ERICH3: variants seen among roughly 807,000 people sequenced by gnomAD.
ERICH3 encodes glutamate-rich protein 3.
Under a neutral mutation model 131.1 loss-of-function variants are expected in ERICH3, and 126 were observed. The observed-to-expected ratio is 0.96, with a 90% CI of 0.83 to 1.11. The LOEUF (loss-of-function observed/expected upper bound fraction) is 1.11. Among genes scored for constraint, ERICH3 ranks in the 50% most tolerant of loss-of-function variants. The pLI is 0.00. For missense variants in ERICH3, 2,050 were observed against 1,810.7 expected (o/e 1.13, Z -2.40); for synonymous variants, 695 against 644.6 (o/e 1.08, Z -1.18).
At chr1:74,659,377 A>AC (rs1166844785) in intron 1 of ERICH3, among the ~76,000 whole-genome samples, 1 of 151,932 alleles carries the variant, frequency 6.6e-6, no homozygotes. Context: ...CAGTTCCAAA[A>AC]CCCCCCGTTG....
intron 9 of ERICH3, among the ~76,000 whole-genome samples, chr1:74,610,302 A>C (rs1175080856): frequency 1.3e-5 from 2 of 151,158 alleles, no homozygotes; most frequent in African/African-American, 4.9e-5. Context: ...TCAGTTGATA[A>C]ATTTATGTAT....
rs569876230 is a variant in ERICH3, at chr1:74,579,982, T to TA, written c.2177-3047_2177-3046insT. ...TTTTTTAAATATCAAAATATTCTTA[T>TA]TTTACAATGTCAGCTTTTTAGTATA... On this transcript the variant is annotated intron_variant, in intron 12 of 14. Transcript: ENST00000326665. The TA allele has an allele frequency of 1.9e-3, 1,418 of 730,320 alleles. 19 individuals are homozygous for TA. The African/African-American group carries it at 0.024, about 12-fold the overall frequency. 45.2% of individuals were successfully genotyped at this position (730,320 alleles called of 1,614,324 possible).
Position 74,570,064 on chromosome 1 carries a change from C to T in ERICH3, c.*394G>A, listed in dbSNP as rs17095601. 0.015 allele frequency: 2,233 copies of T among 152,256 alleles called. 65 individuals carry two copies. Among genetic ancestry groups the T allele is most frequent in the African/African-American group, 0.051 (2,123 of 41,542 alleles). 9.4% of individuals were successfully genotyped at this position (152,256 alleles called of 1,614,324 possible). On this transcript the variant is annotated 3_prime_UTR_variant, in exon 15 of 15. Transcript: ENST00000326665. The stretch of plus-strand genomic sequence containing the variant: ...TGAGATTGTGGAATTGACTGGGGCT[C>T]TGTATTGTAAAATAAAAAGGACTTT...
At chr1:74,666,419 T>C (rs72675368) in intron 1 of ERICH3, among the ~76,000 whole-genome samples, 1 of 152,128 alleles carries the variant, frequency 6.6e-6, no homozygotes, top group Non-Finnish European at 1.5e-5. Flanking sequence ...GTCAAAAAAA[T>C]TTTTAATCCT....
intron 12 of ERICH3, among the ~76,000 whole-genome samples, chr1:74,583,581 G>A (rs544345499): frequency 4.6e-5 from 7 of 152,118 alleles, no homozygotes; most frequent in African/African-American, 1.7e-4. Flanking sequence ...CTTCAGATAA[G>A]CAGGTCAACT....
chr1:74,650,764 A>G (rs1646526036), intron 1 of ERICH3, among the ~76,000 whole-genome samples: 1 of 151,978 alleles, frequency 6.6e-6, no homozygotes, highest in Admixed American at 6.6e-5. Context: ...TCCATTTAAT[A>G]TTTTTGGACT....
At chr1:74,581,874 T>C (rs1370094360) in intron 12 of ERICH3, among the ~76,000 whole-genome samples, 1 of 152,200 alleles carries the variant, frequency 6.6e-6, no homozygotes, top group Admixed American at 6.5e-5. Flanking sequence ...TGAAATAGTT[T>C]CCAATTCCAA....
At position 74,571,248 on chromosome 1, in the gene ERICH3, G is replaced by T. The variant is rs1238062776; in HGVS notation, c.4462C>A (p.Pro1488Thr). 1 of 1,613,894 alleles carries T rather than the reference G, an allele frequency of 6.2e-7. No homozygotes were observed. The highest frequency in any genetic ancestry group is 1.7e-5 in the Admixed American group (1 of 59,994). ...GTTGCCATCGCCTGTAGACTCTCCG[G>T]ACTCAATTCCCTCTCTCCCTCCCGT... The part of the protein sequence containing the change: ...LSREGERELS[P>T]ESLQAMATLP... The change falls in exon 14 of 15, where the codon CCG (proline) becomes ACG (threonine). Residue 1488 changes from proline (P) to threonine (T), a missense_variant. Physicochemically the swap from Pro to Thr is conservative, Grantham distance 38. Coordinates refer to ENST00000326665, the MANE Select transcript of ERICH3 (RefSeq NM_001002912.5).
rs993006783 is a variant in ERICH3, at chr1:74,660,525, C to G, written c.24-11210G>C. Among the ~76,000 whole-genome samples the G allele has an allele frequency of 1.5e-4, 22 of 150,528 alleles. 1 individual carries two copies. The highest frequency in any genetic ancestry group is 4.9e-4 in the African/African-American group (20 of 41,170). On this transcript the variant is annotated intron_variant, in intron 1 of 14. Transcript: ENST00000326665. ...TAGATACAAATAGCCTACTTAAACT[C>G]TTTAAACTACCATCCATTGATTATA...
intron 5 of ERICH3, among the ~76,000 whole-genome samples, chr1:74,640,162 A>G (rs1210177408): frequency 1.3e-5 from 2 of 152,274 alleles, no homozygotes; most frequent in East Asian, 3.9e-4. Flanking sequence ...GGAAAATTGA[A>G]AAGAAAGCCT....
Position 74,571,724 on chromosome 1 carries a change from T to C in ERICH3, c.3986A>G (p.Asn1329Ser), listed in dbSNP as rs1276608535. The change falls in exon 14 of 15, where the codon AAT becomes AGT. Residue 1329 changes from asparagine to serine, a missense_variant. Transcript: ENST00000326665. ...AACCCTTCCTCCTCCCATGCCCTCA[T>C]TCTTTTGTGTGTTTCCTTCTCCTTC... ...DMEGEGNTQK[N>S]EGMGGGRVVA... The C allele has an allele frequency of 1.2e-6, 2 of 1,614,122 alleles. No homozygotes were observed. Among genetic ancestry groups the C allele is most frequent in the South Asian group, 1.1e-5 (1 of 91,070 alleles).
intron 12 of ERICH3, among the ~76,000 whole-genome samples, chr1:74,586,703 A>C (rs1557670128): frequency 6.6e-6 from 1 of 152,182 alleles, no homozygotes; most frequent in Non-Finnish European, 1.5e-5. Flanking sequence ...AATGTCCAAC[A>C]ATAAGGAAAT....
chr1:74,670,382 G>T (rs551320580), intron 1 of ERICH3, among the ~76,000 whole-genome samples: 2 of 152,230 alleles, frequency 1.3e-5, no homozygotes, highest in South Asian at 4.1e-4. Flanking sequence ...ATATTGTCTG[G>T]CTTTGTATTC....
intron 1 of ERICH3, among the ~76,000 whole-genome samples, chr1:74,656,442 C>T (rs1432969259): frequency 6.6e-6 from 1 of 152,142 alleles, no homozygotes; most frequent in Non-Finnish European, 1.5e-5. Context: ...AAATAGTCAT[C>T]GCATGGCGGA....
At chr1:74,584,542 A>T (rs1340184519) in intron 12 of ERICH3, among the ~76,000 whole-genome samples, 1 of 152,190 alleles carries the variant, frequency 6.6e-6, no homozygotes, top group Non-Finnish European at 1.5e-5. Flanking sequence ...CAGATGACAG[A>T]GTGGCCTCCC....
chr1:74,671,015 G>C (rs1189769666), intron 1 of ERICH3, among the ~76,000 whole-genome samples: 1 of 76,574 alleles, frequency 1.3e-5, no homozygotes, highest in African/African-American at 9.5e-5. Flanking sequence ...GGCTTACTAG[G>C]GTGGGGGAAA....
chr1:74,608,123 G>C (rs1648488726), intron 9 of ERICH3, among the ~76,000 whole-genome samples: 1 of 151,922 alleles, frequency 6.6e-6, no homozygotes, highest in Non-Finnish European at 1.5e-5. Context: ...TCTATTACAG[G>C]TGTAGGCCTC....
chr1:74,639,277 A>C (rs896115592), intron 5 of ERICH3, among the ~76,000 whole-genome samples: 1 of 152,204 alleles, frequency 6.6e-6, no homozygotes, highest in African/African-American at 2.4e-5. Context: ...TTAAGAGAAC[A>C]GTTTACTGCA....
intron 3 of ERICH3, among the ~76,000 whole-genome samples, chr1:74,643,970 A>G (rs1213564032): frequency 2.4e-4 from 36 of 152,146 alleles, no homozygotes; most frequent in Non-Finnish European, 2.9e-5. Context: ...ATTGTATGTA[A>G]TTATTTTCCT....
Sources: gnomAD v4.1 joint callset for allele counts (sites outside exome capture counted in the v4.1 genomes callset) on GRCh38, gnomAD v4.1.1 for gene constraint, MANE v1.5 for transcripts, NCBI Gene and HGNC (gene_info 2026-07-23, HGNC 2026-07-21) for gene names.